Variants in CORO2B observed in about 807,000 individuals in gnomAD.
The protein encoded by CORO2B is coronin-2B.
Under a neutral mutation model 58.8 loss-of-function variants are expected in CORO2B, and 26 were observed. The observed-to-expected ratio is 0.44, with a 90% CI of 0.32 to 0.61. The LOEUF (loss-of-function observed/expected upper bound fraction) is 0.61. CORO2B is among the 20% of genes least tolerant of loss of function. The pLI is 0.04. For synonymous variants in CORO2B, 242 were observed against 253.8 expected (o/e 0.95, Z 0.44); for missense variants, 460 against 645.1 (o/e 0.71, Z 3.11).
the CORO2B span, among the ~76,000 whole-genome samples, chr15:68,521,029 A>G: frequency 1.3e-5 from 2 of 152,060 alleles, no homozygotes; most frequent in African/African-American, 4.8e-5. Flanking sequence ...AGCCTGGGTG[A>G]CAGAGCAAGG....
At chr15:68,573,268 CAAAG>C in the CORO2B span, among the ~76,000 whole-genome samples, 2 of 151,912 alleles carry the variant, frequency 1.3e-5, no homozygotes, top group African/African-American at 4.8e-5. Context: ...GCAAGAGAGA[CAAAG>C]AGAGAAAGAG....
intron 2 of CORO2B, among the ~76,000 whole-genome samples, chr15:68,660,223 G>A (rs898462557): frequency 6.6e-6 from 1 of 152,204 alleles, no homozygotes; most frequent in African/African-American, 2.4e-5. Context: ...CCTTCTGCCA[G>A]ATTGTCTAAT....
the CORO2B span, among the ~76,000 whole-genome samples, chr15:68,540,640 T>C: frequency 1.3e-5 from 2 of 152,260 alleles, no homozygotes; most frequent in African/African-American, 4.8e-5. Context: ...TTTGTCACAC[T>C]GAGTTAGAAT....
chr15:68,684,702 G>A (rs892300208), intron 2 of CORO2B, among the ~76,000 whole-genome samples: 9 of 152,234 alleles, frequency 5.9e-5, no homozygotes, highest in African/African-American at 2.2e-4. Context: ...GCCAAGTGGT[G>A]TGACCAGGGG....
intron 1 of CORO2B, among the ~76,000 whole-genome samples, chr15:68,596,468 C>T (rs993847108): frequency 4.6e-5 from 7 of 152,132 alleles, no homozygotes; most frequent in African/African-American, 1.7e-4. Context: ...AATTTTGAGG[C>T]TCCAGCAGGA....
intron 11 of CORO2B, 21 bp from the exon 12 acceptor site, chr15:68,725,822 C>T (rs375873596): frequency 1.7e-5 from 28 of 1,612,744 alleles, no homozygotes; most frequent in South Asian, 2.2e-5. Context: ...CTCCTTGGCC[C>T]CCTCTCTTCC....
chr15:68,697,290 A>C (rs1324570242), intron 3 of CORO2B, among the ~76,000 whole-genome samples: 2 of 152,186 alleles, frequency 1.3e-5, no homozygotes, highest in African/African-American at 4.8e-5. Context: ...GAATGAGTAA[A>C]ATTGATGATG....
intron 1 of CORO2B, among the ~76,000 whole-genome samples, chr15:68,611,175 T>A (rs557882937): frequency 6.6e-6 from 1 of 152,290 alleles, no homozygotes; most frequent in Non-Finnish European, 1.5e-5. Flanking sequence ...GAATGCAGAG[T>A]CTGGAGTAAC....
intron 1 of CORO2B, among the ~76,000 whole-genome samples, chr15:68,621,662 G>A (rs2140252221): frequency 6.6e-6 from 1 of 152,286 alleles, no homozygotes; most frequent in Admixed American, 6.5e-5. Context: ...TTTGTGTTAG[G>A]GAAGCAATGT....
chr15:68,584,956 C>T (rs1444704568), intron 1 of CORO2B, among the ~76,000 whole-genome samples: 1 of 129,400 alleles, frequency 7.7e-6, no homozygotes, highest in East Asian at 2.2e-4. Context: ...TAAGGAGGCA[C>T]AAGTGGGGTG....
the CORO2B span, among the ~76,000 whole-genome samples, chr15:68,570,353 G>A: frequency 6.6e-6 from 1 of 152,204 alleles, no homozygotes; most frequent in Admixed American, 6.5e-5. Context: ...ATCTGCATAA[G>A]GACTATTGAT....
At chr15:68,690,271 AT>A (rs1892325615) in intron 2 of CORO2B, among the ~76,000 whole-genome samples, 1 of 152,180 alleles carries the variant, frequency 6.6e-6, no homozygotes. Context: ...GTTGTTAAGC[AT>A]CTACAGCCCA....
chr15:68,659,652 G>A (rs1357810523), intron 2 of CORO2B, among the ~76,000 whole-genome samples: 3 of 152,004 alleles, frequency 2.0e-5, no homozygotes, highest in South Asian at 2.1e-4. Flanking sequence ...GTCTATCCTC[G>A]GCCAGACATG....
chr15:68,719,236 T>C lies in CORO2B; in HGVS notation c.1171+2T>C, dbSNP rs1157648630. On this transcript the variant is annotated splice_donor_variant, in intron 10 of 11. Coordinates refer to ENST00000261861, the MANE Select transcript of CORO2B (RefSeq NM_006091.5). LOFTEE classifies it high-confidence loss of function. Reference sequence around the variant, plus strand: ...AATGGCTGGGAGGCATCAACCGAGGTACCACAGCGGGGGGCTCCACAGAGC... The same window carrying C: ...AATGGCTGGGAGGCATCAACCGAGGCACCACAGCGGGGGGCTCCACAGAGC... The C allele has an allele frequency of 6.2e-7, 1 of 1,613,452 alleles. No homozygotes were observed. The highest frequency in any genetic ancestry group is 8.5e-7 in the Non-Finnish European group (1 of 1,179,678).
rs1892884860 is a variant in CORO2B, at chr15:68,710,371, GA to G, written c.334-360del. Among the ~76,000 whole-genome samples, 1 of 152,228 alleles carries G rather than the reference GA, an allele frequency of 6.6e-6. No homozygotes were observed. Among genetic ancestry groups the G allele is most frequent in the Admixed American group, 6.5e-5 (1 of 15,286 alleles). On this transcript the variant is annotated intron_variant, in intron 3 of 11. Coordinates refer to ENST00000261861, the MANE Select transcript of CORO2B (RefSeq NM_006091.5). The surrounding 1 kb of genome is among the most constrained non-coding windows in gnomAD (Gnocchi z 4.1). ...GCAGGAAGGCAGAGTCTCCTAGAAGGATGTGGCATGTGAAGCAAGGATAGGC... is the reference window on the plus strand; with the variant it reads ...GCAGGAAGGCAGAGTCTCCTAGAAGGTGTGGCATGTGAAGCAAGGATAGGC...
At chr15:68,602,538 T>G (rs1900011419) in intron 1 of CORO2B, among the ~76,000 whole-genome samples, 1 of 152,132 alleles carries the variant, frequency 6.6e-6, no homozygotes, top group Non-Finnish European at 1.5e-5. Context: ...TGCTGTGTCT[T>G]TAACCGCCTC....
chr15:68,564,044 A>T, the CORO2B span, among the ~76,000 whole-genome samples: 1 of 152,212 alleles, frequency 6.6e-6, no homozygotes, highest in South Asian at 2.1e-4. Context: ...CGAAATCCAA[A>T]CAGACATCAC....
chr15:68,675,663 G>T (rs912651462), intron 2 of CORO2B, among the ~76,000 whole-genome samples: 1 of 152,130 alleles, frequency 6.6e-6, no homozygotes, highest in Non-Finnish European at 1.5e-5. Context: ...ATCTATTTTT[G>T]TAAAACCAAG....
At chr15:68,665,560 T>C (rs1902164890) in intron 2 of CORO2B, among the ~76,000 whole-genome samples, 1 of 151,384 alleles carries the variant, frequency 6.6e-6, no homozygotes, top group Non-Finnish European at 1.5e-5. Context: ...TTAAAGAGAA[T>C]GTCAACCTTA....
Sources: gnomAD v4.1 joint callset for allele counts (sites outside exome capture counted in the v4.1 genomes callset) on GRCh38, gnomAD v4.1.1 for gene constraint, Gnocchi (gnomAD v3.1) non-coding constraint, MANE v1.5 for transcripts, NCBI Gene and HGNC (gene_info 2026-07-23, HGNC 2026-07-21) for gene names.